Variants in TBC1D1 observed in about 807,000 individuals in gnomAD.
TBC1D1 encodes TBC1 (tre-2/USP6, BUB2, cdc16) domain family, member 1.
A neutral mutation model predicts 125.6 loss-of-function variants in TBC1D1; 89 were observed. That is an observed-to-expected ratio of 0.71 (90% CI 0.60 to 0.85). The LOEUF (loss-of-function observed/expected upper bound fraction) is 0.85. Ranked by LOEUF, TBC1D1 falls within the 40% of genes least tolerant of loss-of-function variation. The probability of loss-of-function intolerance (pLI) is 0.00; values close to 1 mark genes in which losing one functional copy is unlikely to be tolerated. For synonymous variants in TBC1D1, 565 were observed against 564.1 expected (o/e 1.00, Z -0.02); for missense variants, 1,377 against 1,469.2 (o/e 0.94, Z 1.03).
chr4:38,071,225 T>C (rs1224059693), intron 12 of TBC1D1, among the ~76,000 whole-genome samples: 1 of 152,168 alleles, frequency 6.6e-6, no homozygotes, highest in Admixed American at 6.5e-5. Flanking sequence ...TTGCCATCCA[T>C]GGTCACTTCC....
At chr4:37,964,595 GT>G (rs1309822609) in intron 2 of TBC1D1, among the ~76,000 whole-genome samples, 1 of 152,206 alleles carries the variant, frequency 6.6e-6, no homozygotes, top group African/African-American at 2.4e-5. Context: ...TTTGTCCTGG[GT>G]TCAGATGGAG....
rs1230575948 is a variant in TBC1D1, at chr4:37,977,995, C to T, written c.418-36514C>T. 1.3e-5 allele frequency among the ~76,000 whole-genome samples: 2 copies of T among 152,216 alleles called. No homozygotes were observed. Among genetic ancestry groups the T allele is most frequent in the East Asian group, 3.9e-4 (2 of 5,184 alleles). ...CGCCGAGGATGCCCAGAGGCTGGTGCCCACAAGGGGCGTCTGTCTTTCGTT... is the reference window on the plus strand; with the variant it reads ...CGCCGAGGATGCCCAGAGGCTGGTGTCCACAAGGGGCGTCTGTCTTTCGTT... On this transcript the variant is annotated intron_variant, in intron 2 of 19. Transcript: ENST00000261439. The surrounding 1 kb of genome is among the most constrained non-coding windows in gnomAD (Gnocchi z 4.3).
chr4:37,988,655 A>G (rs1292937303), intron 2 of TBC1D1, among the ~76,000 whole-genome samples: 2 of 152,174 alleles, frequency 1.3e-5, no homozygotes, highest in Non-Finnish European at 2.9e-5. Flanking sequence ...GAAGCCCACT[A>G]TAGGTGAGAT....
intron 13 of TBC1D1, 51 bp from the exon 16 acceptor site, chr4:38,095,878 A>C: frequency 6.5e-7 from 1 of 1,532,154 alleles, no homozygotes; most frequent in East Asian, 2.3e-5. Context: ...GTGTAATGGA[A>C]ATTCCATAGC....
rs780659681 is a variant in TBC1D1, at chr4:38,095,955, C to T, written c.2263C>T (p.Arg755Cys). ...CTCTGAAAATGATTTGCTGAACAAG[C>T]GCCTGAAGCTCGATTATGAAGAAAT... is the stretch of plus-strand genomic sequence containing the variant. The change falls in exon 14 of 20, where the codon CGC becomes TGC. Residue 755 changes from arginine to cysteine, a missense_variant. Arg to Cys is a radical substitution (Grantham distance 180). Around this residue, in one of 3 missense-constraint regions of TBC1D1, gnomAD observed 543 missense variants for 613.5 expected, o/e 0.89. Coordinates refer to ENST00000261439, the MANE Select transcript of TBC1D1 (RefSeq NM_015173.4). 19 of 1,613,410 alleles carry T rather than the reference C, an allele frequency of 1.2e-5. No homozygotes were observed. The highest frequency in any genetic ancestry group is 6.7e-5 in the East Asian group (3 of 44,876).
At chr4:38,127,381 CT>C (rs35658047) in intron 18 of TBC1D1, among the ~76,000 whole-genome samples, 6,449 of 124,384 alleles carry the variant, frequency 0.052, 116 homozygotes, top group East Asian at 0.1. Context: ...TTTCCACTGA[CT>C]TTTTTTTTTT....
In TBC1D1 at chr4:38,096,121, C is replaced by T. The variant is rs112834280; in HGVS notation, c.2398+31C>T. 1,079 of 1,586,304 alleles carry T rather than the reference C, an allele frequency of 6.8e-4. 5 individuals carry two copies. In the African/African-American group the frequency reaches 0.012, roughly 18 times the overall value. On this transcript the variant is annotated intron_variant, in intron 14 of 19. Coordinates refer to ENST00000261439, the MANE Select transcript of TBC1D1 (RefSeq NM_015173.4). ...CTTCATTGGGAAGCATCTAGTCAACCTCACCCCTCATTGGTGATTGGGGAG... is the reference window on the plus strand; with the variant it reads ...CTTCATTGGGAAGCATCTAGTCAACTTCACCCCTCATTGGTGATTGGGGAG...
chr4:38,044,462 CA>C lies in TBC1D1; in HGVS notation c.1515del (p.Glu506SerfsTer3), dbSNP rs962405249. The C allele has an allele frequency of 4.3e-6, 7 of 1,612,788 alleles. No individual in the cohort carries two copies. The African/African-American group carries it at 8.0e-5, about 18-fold the overall frequency. ...AAAAACAAAGCAAAGAGATCTTTAA[CA>C]GAGTCTTTAGAAAGTATTTTGTCCC... On this transcript the variant is annotated frameshift_variant, in exon 9 of 20. Coordinates refer to ENST00000261439, the MANE Select transcript of TBC1D1 (RefSeq NM_015173.4). LOFTEE classifies it high-confidence loss of function.
At chr4:37,900,178 G>A (rs995135510) in intron 1 of TBC1D1, among the ~76,000 whole-genome samples, 1 of 151,234 alleles carries the variant, frequency 6.6e-6, no homozygotes, top group Admixed American at 6.6e-5. Flanking sequence ...TGAGAAATTC[G>A]TCAGAGCAAA....
intron 2 of TBC1D1, among the ~76,000 whole-genome samples, chr4:38,011,179 C>G (rs1339535293): frequency 1.3e-5 from 2 of 151,832 alleles, no homozygotes; most frequent in African/African-American, 4.8e-5. Context: ...AGGAGAAACC[C>G]CATCTCTACC....
chr4:37,984,938 A>T (rs889398623), intron 2 of TBC1D1, among the ~76,000 whole-genome samples: 5 of 151,720 alleles, frequency 3.3e-5, no homozygotes, highest in Non-Finnish European at 5.9e-5. Context: ...GAAGACCTTT[A>T]TTTGGTTATA....
chr4:37,897,205 A>G, intron 1 of TBC1D1, among the ~76,000 whole-genome samples: 1 of 152,218 alleles, frequency 6.6e-6, no homozygotes, highest in East Asian at 1.9e-4. Flanking sequence ...TGTTAGTATT[A>G]AACTGGTGCA....
intron 7 of TBC1D1, among the ~76,000 whole-genome samples, chr4:38,033,799 C>T (rs1378558599): frequency 6.6e-6 from 1 of 152,190 alleles, no homozygotes; most frequent in Non-Finnish European, 1.5e-5. Context: ...ACACAGTAGC[C>T]TTTTCAGACT....
chr4:38,132,473 A>G (rs1421077310), intron 18 of TBC1D1, among the ~76,000 whole-genome samples: 1 of 152,210 alleles, frequency 6.6e-6, no homozygotes, highest in African/African-American at 2.4e-5. Flanking sequence ...CGTCACCATT[A>G]CTATTGTGGG....
intron 2 of TBC1D1, among the ~76,000 whole-genome samples, chr4:37,933,060 A>C (rs1723610982): frequency 2.0e-5 from 3 of 151,904 alleles, no homozygotes; most frequent in East Asian, 3.9e-4. Context: ...TAAAAACAAA[A>C]AAACAAAAAA....
chr4:37,919,621 G>A (rs995768061), intron 2 of TBC1D1, among the ~76,000 whole-genome samples: 1 of 152,138 alleles, frequency 6.6e-6, no homozygotes, highest in African/African-American at 2.4e-5. Context: ...AATAAGTAAT[G>A]TAAATGCAGA....
At position 37,902,484 on chromosome 4, in the gene TBC1D1, A is replaced by T; in HGVS notation, c.389A>T (p.Tyr130Phe). The T allele has an allele frequency of 6.2e-7, 1 of 1,611,720 alleles. No individual in the cohort carries two copies. Among genetic ancestry groups the T allele is most frequent in the South Asian group, 1.1e-5 (1 of 90,696 alleles). ...GCTGTCCACCGGCAGAGTATCTGCT[A>T]TGTGTTCAAAGCCGATGATCAAACA... The change falls in exon 2 of 20, where the codon TAT (tyrosine) becomes TTT (phenylalanine). Residue 130 changes from tyrosine to phenylalanine, a missense_variant. Physicochemically the swap from Tyr to Phe is conservative, Grantham distance 22 (BLOSUM62 3). Coordinates refer to ENST00000261439, the MANE Select transcript of TBC1D1 (RefSeq NM_015173.4).
At chr4:38,097,126 T>C (rs1759483779) in intron 14 of TBC1D1, among the ~76,000 whole-genome samples, 3 of 152,204 alleles carry the variant, frequency 2.0e-5, no homozygotes, top group Non-Finnish European at 4.4e-5. Flanking sequence ...GGGTTTTTCC[T>C]GAGTTTATCA....
chr4:38,079,893 G>A (rs535222572), intron 12 of TBC1D1, among the ~76,000 whole-genome samples: 1 of 152,348 alleles, frequency 6.6e-6, no homozygotes, highest in African/African-American at 2.4e-5. Flanking sequence ...TAAGGTAACT[G>A]TAATGTAAAG....
Sources: gnomAD v4.1 joint callset for allele counts (sites outside exome capture counted in the v4.1 genomes callset) on GRCh38, gnomAD v4.1.1 for gene constraint, gnomAD v4.1.1 regional missense constraint, Gnocchi (gnomAD v3.1) non-coding constraint, MANE v1.5 for transcripts, NCBI Gene and HGNC (gene_info 2026-07-23, HGNC 2026-07-21) for gene names.